Variants in FBXO10 observed in about 807,000 individuals in gnomAD.
The protein encoded by FBXO10 is F-box only protein 10.
FBXO10 carries 39 observed loss-of-function variants against 80.7 expected under a neutral mutation model. The observed-to-expected ratio is 0.48, with a 90% confidence interval of 0.37 to 0.63. FBXO10 has a LOEUF of 0.63. FBXO10 is among the 30% of genes least tolerant of loss of function. The probability of loss-of-function intolerance (pLI) is 0.00; values close to 1 mark genes in which losing one functional copy is unlikely to be tolerated. For missense variants in FBXO10, 1,025 were observed against 1,269.0 expected, an observed-to-expected ratio of 0.81 and a Z score of 2.92; for synonymous variants, 449 against 489.6, an observed-to-expected ratio of 0.92 and a Z score of 1.09.
At chr9:37,568,048 C>CA (rs1371068018) in intron 1 of FBXO10, among the ~76,000 whole-genome samples, 1 of 152,122 alleles carries the variant, frequency 6.6e-6, no homozygotes, top group African/African-American at 2.4e-5. Flanking sequence ...CAAACTCAGA[C>CA]AATTAAGGTG....
At position 37,573,584 on chromosome 9, in the gene FBXO10, T is replaced by C. The variant is rs1010962017; in HGVS notation, c.-7+2627A>G. Among the ~76,000 whole-genome samples, 9 of 152,128 alleles carry C rather than the reference T, an allele frequency of 5.9e-5. 1 individual carries two copies. Among genetic ancestry groups the C allele is most frequent in the Non-Finnish European group, 8.8e-5 (6 of 68,018 alleles). On this transcript the variant is annotated intron_variant, in intron 1 of 10. Transcript: ENST00000432825. ...ACTGCTCAGACAATGCAGTTCTCTC[T>C]CCTCTGGAGAGTGACAGTAAGACTG...
At position 37,537,151 on chromosome 9, in the gene FBXO10, G is replaced by T. The variant is rs1821787010; in HGVS notation, c.1378C>A (p.Arg460=). Residue 460 remains arginine, a synonymous_variant, in exon 3 of 11, where the codon CGG becomes AGG. Coordinates refer to ENST00000432825, the MANE Select transcript of FBXO10 (RefSeq NM_012166.3). Reference sequence around the variant, plus strand: ...CACCGCACTGCGTAAGTCAGGTTCCGGAAGATGTTTCCTTCCATCTTGGCT... The same window carrying T: ...CACCGCACTGCGTAAGTCAGGTTCCTGAAGATGTTTCCTTCCATCTTGGCT... ...GRAKMEGNIF[R]NLTYAVRCIH... 6.2e-7 allele frequency: 1 copy of T among 1,613,820 alleles called. No homozygotes were observed. Among genetic ancestry groups the T allele is most frequent in the Non-Finnish European group, 8.5e-7 (1 of 1,179,852 alleles).
At chr9:37,568,504 C>T (rs1202094396) in intron 1 of FBXO10, among the ~76,000 whole-genome samples, 1 of 152,166 alleles carries the variant, frequency 6.6e-6, no homozygotes, top group Non-Finnish European at 1.5e-5. Flanking sequence ...CATCCCCACC[C>T]ACCCAATTTA....
chr9:37,524,945 C>T (rs927740869), intron 6 of FBXO10, among the ~76,000 whole-genome samples, 157 bp downstream of exon 6: 1 of 152,216 alleles, frequency 6.6e-6, no homozygotes, highest in African/African-American at 2.4e-5. Flanking sequence ...AGAAGCACAG[C>T]CACCATGCAG....
chr9:37,552,691 CA>C (rs779389401), intron 1 of FBXO10, among the ~76,000 whole-genome samples: 46,009 of 95,268 alleles, frequency 0.48, 9,333 homozygotes, highest in East Asian at 0.84. Context: ...GACTCCATAT[CA>C]AAAAAAAAAA....
rs749398732 is a variant in FBXO10, at chr9:37,516,037, G to C, written c.2563C>G (p.Arg855Gly). The change falls in exon 10 of 11, where the codon CGG becomes GGG. Residue 855 changes from arginine (R) to glycine (G), a missense_variant. This residue lies in a region of FBXO10 where 478 missense variants were observed against 667.8 expected (regional missense o/e 0.72). Transcript: ENST00000432825. The stretch of plus-strand genomic sequence containing the variant: ...TGCACCAGGGCCTTGGCACGGCCCC[G>C]CACGGCGATGCCGTAGGCCCGGAAC... The part of the protein sequence containing the change: ...HSFRAYGIAV[R>G]GRAKALVQEN... 1.2e-6 allele frequency: 2 copies of C among 1,613,896 alleles called. No homozygotes were observed. The highest frequency in any genetic ancestry group is 1.6e-4 in the Middle Eastern group (1 of 6,062).
chr9:37,561,410 C>T (rs1822479600), intron 1 of FBXO10, among the ~76,000 whole-genome samples: 1 of 152,098 alleles, frequency 6.6e-6, no homozygotes, highest in Non-Finnish European at 1.5e-5. Flanking sequence ...CTCTCCTAAC[C>T]TCCCACTGGA....
intron 1 of FBXO10, chr9:37,575,399 G>C (rs1055865660): frequency 6.6e-6 from 1 of 152,088 alleles, no homozygotes; most frequent in African/African-American, 2.4e-5. Flanking sequence ...CCTTCACGTG[G>C]GGCAATCTCT....
At chr9:37,552,185 C>T (rs896534973) in intron 1 of FBXO10, among the ~76,000 whole-genome samples, 1 of 152,234 alleles carries the variant, frequency 6.6e-6, no homozygotes, top group African/African-American at 2.4e-5. Flanking sequence ...CAGAACCACC[C>T]TTAATGTGGC....
At position 37,541,601 on chromosome 9, in the gene FBXO10, G is replaced by A; in HGVS notation, c.168C>T (p.Arg56=). 3 of 1,613,824 alleles carry A rather than the reference G, an allele frequency of 1.9e-6. No homozygotes were observed. The highest frequency in any genetic ancestry group is 2.5e-6 in the Non-Finnish European group (3 of 1,179,810). Residue 56 remains arginine (R), a synonymous_variant, in exon 2 of 11, where the codon CGC becomes CGT. Coordinates refer to ENST00000432825, the MANE Select transcript of FBXO10 (RefSeq NM_012166.3). ...RQLCLGCTEC[R]HPNWPNQPDV... ...CTGGCTGGTTGGGCCAATTGGGATGGCGGCACTCGGTGCAACCCAGACACA... is the reference window on the plus strand; with the variant it reads ...CTGGCTGGTTGGGCCAATTGGGATGACGGCACTCGGTGCAACCCAGACACA...
At chr9:37,552,665 CTG>C (rs1232171770) in intron 1 of FBXO10, among the ~76,000 whole-genome samples, 22 of 133,696 alleles carry the variant, frequency 1.6e-4, no homozygotes, top group African/African-American at 5.1e-4. Flanking sequence ...GCACTCCAGT[CTG>C]TGTGACAGAG....
chr9:37,537,389 G>C lies in FBXO10; in HGVS notation c.1140C>G (p.Gly380=), dbSNP rs1321314359. 1 of 1,596,628 alleles carries C rather than the reference G, an allele frequency of 6.3e-7. No individual in the cohort carries two copies. Among genetic ancestry groups the C allele is most frequent in the African/African-American group, 1.3e-5 (1 of 74,542 alleles). ...ATGAGCCCCCCAATACAGGGCGTGG[G>C]CCCTGCACTTGGTAGGATAGTCTGT... The part of the protein sequence containing the change: ...LMYRLSYQVQ[G]PRPVLGGSFL... The change falls in exon 3 of 11, where the codon GGC becomes GGG. Residue 380 remains glycine, a synonymous_variant. Transcript: ENST00000432825.
chr9:37,521,556 G>A lies in FBXO10; in HGVS notation c.2200+13C>T. 4 of 1,582,748 alleles carry A rather than the reference G, an allele frequency of 2.5e-6. No homozygotes were observed. Among genetic ancestry groups the A allele is most frequent in the Non-Finnish European group, 3.5e-6 (4 of 1,158,744 alleles). ...GGAAGGTTCTTGAGCAGGGGCTGAG[G>A]GGGTATACTCACCTCCATTGTGATT... On this transcript the variant is annotated intron_variant, in intron 8 of 10. Coordinates refer to ENST00000432825, the MANE Select transcript of FBXO10 (RefSeq NM_012166.3).
At chr9:37,563,091 T>C (rs1822521772) in intron 1 of FBXO10, among the ~76,000 whole-genome samples, 1 of 152,164 alleles carries the variant, frequency 6.6e-6, no homozygotes, top group Non-Finnish European at 1.5e-5. Flanking sequence ...GTTCTCATGA[T>C]AGTGAGTGAG....
chr9:37,539,102 G>C (rs1821853563), intron 2 of FBXO10, among the ~76,000 whole-genome samples: 1 of 152,182 alleles, frequency 6.6e-6, no homozygotes, highest in Non-Finnish European at 1.5e-5. Context: ...AAATGAGGGA[G>C]TATCTCATGA....
rs754998938 is a variant in FBXO10, at chr9:37,518,397, T to A, written c.2242A>T (p.Ile748Phe). Reference protein sequence around the residue: ...YVQSSEALHVITNVIHANGDR... With the variant: ...YVQSSEALHVFTNVIHANGDR... Reference sequence around the variant, plus strand: ...CCATTCGCGTGGATCACATTGGTGATGACATGCAGTGCCTCGCTGCTCTGG... The same window carrying A: ...CCATTCGCGTGGATCACATTGGTGAAGACATGCAGTGCCTCGCTGCTCTGG... Residue 748 changes from isoleucine (I) to phenylalanine (F), a missense_variant, in exon 9 of 11, where the codon ATC (isoleucine) becomes TTC (phenylalanine). Coordinates refer to ENST00000432825, the MANE Select transcript of FBXO10 (RefSeq NM_012166.3). 6.2e-7 allele frequency: 1 copy of A among 1,612,202 alleles called. No homozygotes were observed. The highest frequency in any genetic ancestry group is 8.5e-7 in the Non-Finnish European group (1 of 1,178,654).
chr9:37,536,580 T>C (rs990614924), intron 3 of FBXO10, among the ~76,000 whole-genome samples: 1 of 152,208 alleles, frequency 6.6e-6, no homozygotes, highest in Non-Finnish European at 1.5e-5. Context: ...CCCCACCGCA[T>C]GGTTGAATTC....
intron 8 of FBXO10, among the ~76,000 whole-genome samples, chr9:37,519,155 T>C (rs7855367): frequency 0.91 from 139,000 of 152,206 alleles, 63,763 homozygotes; most frequent in East Asian, 0.98. Flanking sequence ...GTGATCCACC[T>C]GCCTCGGCCT....
At chr9:37,530,662 C>A (rs1821597629) in intron 4 of FBXO10, among the ~76,000 whole-genome samples, 2 of 152,178 alleles carry the variant, frequency 1.3e-5, no homozygotes, top group South Asian at 4.1e-4. Flanking sequence ...GTTGCCCAGG[C>A]TGGAGTGCAG....
Sources: allele counts gnomAD v4.1 joint callset (sites outside exome capture counted in the v4.1 genomes callset), GRCh38; gene constraint gnomAD v4.1.1; regional missense constraint gnomAD v4.1.1; transcripts MANE v1.5; gene names NCBI Gene and HGNC (gene_info 2026-07-23, HGNC 2026-07-21).